The following COMMD10 variants were observed in gnomAD, a reference collection of about 807,000 sequenced individuals.
The protein encoded by COMMD10 is COMM domain containing 10, also known as COMM domain-containing protein 10.
Under a neutral mutation model 28.9 loss-of-function variants are expected in COMMD10, and 33 were observed. The observed-to-expected ratio is 1.14, with a 90% confidence interval of 0.87 to 1.53. The LOEUF (loss-of-function observed/expected upper bound fraction) is 1.53, where lower values mean the gene tolerates loss of function less well. COMMD10 is among the 40% of genes most tolerant of loss of function. The pLI is 0.00. For missense variants in COMMD10, 310 were observed against 233.4 expected (o/e 1.33, Z -2.14); for synonymous variants, 110 against 81.7 (o/e 1.35, Z -1.87).
chr5:116,157,934 C>T lies in COMMD10; in HGVS notation c.510+23756C>T, dbSNP rs1318598328. Among the ~76,000 whole-genome samples, 5 of 127,930 alleles carry T rather than the reference C, an allele frequency of 3.9e-5. No individual in the cohort carries two copies. The East Asian group carries it at 9.1e-4, about 23-fold the overall frequency. 83.9% of individuals were successfully genotyped at this position (127,930 alleles called of 152,430 possible). On this transcript the variant is annotated intron_variant, in intron 5 of 6. Coordinates refer to ENST00000274458, the MANE Select transcript of COMMD10 (RefSeq NM_016144.4). ...AGTCTCAATTGCTAAGATGGCTTTC[C>T]TTTACTTTTTTTTTTTTTTTAGTCA... is the stretch of plus-strand genomic sequence containing the variant.
chr5:116,109,897 C>T (rs1475883658), intron 4 of COMMD10, among the ~76,000 whole-genome samples: 2 of 152,190 alleles, frequency 1.3e-5, no homozygotes, highest in Non-Finnish European at 2.9e-5. Flanking sequence ...GCTAGGACTT[C>T]CAGTACTATG....
chr5:116,091,038 T>G, intron 2 of COMMD10, 41 bp from the exon 3 acceptor site: 2 of 1,239,080 alleles, frequency 1.6e-6, no homozygotes, highest in Non-Finnish European at 2.3e-6. Flanking sequence ...TTTGAATGCC[T>G]GAATATGTGC....
At chr5:116,226,820 C>G (rs1424125227) in intron 5 of COMMD10, among the ~76,000 whole-genome samples, 1 of 151,972 alleles carries the variant, frequency 6.6e-6, no homozygotes, top group Non-Finnish European at 1.5e-5. Context: ...TGTGGAATTT[C>G]AAGGATATTC....
rs1017357363 is a variant in COMMD10, at chr5:116,237,837, AT to A, written c.511-53679del. On this transcript the variant is annotated intron_variant, in intron 5 of 6. Transcript: ENST00000274458. ...AATCTTAAATCTCTGATCTGTACTAATATCATCAACTCCTACTGAGAATTAG... is the reference window on the plus strand; with the variant it reads ...AATCTTAAATCTCTGATCTGTACTAAATCATCAACTCCTACTGAGAATTAG... 7.2e-5 allele frequency among the ~76,000 whole-genome samples: 11 copies of A among 152,158 alleles called. No homozygotes were observed. The East Asian group carries it at 1.5e-3, about 21-fold the overall frequency.
chr5:116,145,404 G>A (rs969891767), intron 5 of COMMD10, among the ~76,000 whole-genome samples: 2 of 150,732 alleles, frequency 1.3e-5, no homozygotes, highest in African/African-American at 2.5e-5. Flanking sequence ...TATCTTTGCC[G>A]GGTGTTGTCA....
chr5:116,091,788 A>G (rs1750305173), intron 3 of COMMD10, among the ~76,000 whole-genome samples: 1 of 152,202 alleles, frequency 6.6e-6, no homozygotes, highest in African/African-American at 2.4e-5. Flanking sequence ...TGTATCTTAT[A>G]TAAGCCTACC....
At chr5:116,207,863 T>G (rs1000041991) in intron 5 of COMMD10, among the ~76,000 whole-genome samples, 1 of 152,132 alleles carries the variant, frequency 6.6e-6, no homozygotes, top group African/African-American at 2.4e-5. Flanking sequence ...CCTTTAACAT[T>G]GCCTCCCATT....
At chr5:116,231,445 C>T (rs1238270785) in intron 5 of COMMD10, among the ~76,000 whole-genome samples, 2 of 152,054 alleles carry the variant, frequency 1.3e-5, no homozygotes, top group South Asian at 2.1e-4. Context: ...AAGAGGACTT[C>T]TGAGGATGCA....
At chr5:116,281,315 A>G (rs760682462) in intron 5 of COMMD10, among the ~76,000 whole-genome samples, 33 of 151,716 alleles carry the variant, frequency 2.2e-4, no homozygotes, top group South Asian at 4.1e-4. Context: ...ACTGAATTCT[A>G]TTTCCATGGG....
chr5:116,190,847 T>C (rs959856943), intron 5 of COMMD10, among the ~76,000 whole-genome samples: 2 of 152,192 alleles, frequency 1.3e-5, no homozygotes, highest in Non-Finnish European at 2.9e-5. Flanking sequence ...TAATTTAAAT[T>C]GGTAGAGTAC....
intron 5 of COMMD10, among the ~76,000 whole-genome samples, chr5:116,155,682 C>T (rs1486435881): frequency 6.6e-6 from 1 of 151,730 alleles, no homozygotes; most frequent in Admixed American, 6.6e-5. Flanking sequence ...TTGTTTTTTC[C>T]CCTCCATATG....
chr5:116,089,778 T>G (rs1750237811), intron 2 of COMMD10, among the ~76,000 whole-genome samples: 1 of 152,186 alleles, frequency 6.6e-6, no homozygotes, highest in Non-Finnish European at 1.5e-5. Flanking sequence ...AAGAAACATA[T>G]GTATGTGAAT....
At chr5:116,098,653 G>A (rs1750545329) in intron 4 of COMMD10, among the ~76,000 whole-genome samples, 1 of 152,148 alleles carries the variant, frequency 6.6e-6, no homozygotes, top group African/African-American at 2.4e-5. Flanking sequence ...AGGGACTTGA[G>A]TATCTGCAGT....
intron 4 of COMMD10, among the ~76,000 whole-genome samples, chr5:116,104,699 A>G (rs1181591020): frequency 1.3e-5 from 2 of 151,164 alleles, no homozygotes; most frequent in African/African-American, 4.9e-5. Flanking sequence ...GGCTCACTGT[A>G]AGCTCCTCCT....
At chr5:116,261,753 C>G (rs1580593610) in intron 5 of COMMD10, among the ~76,000 whole-genome samples, 1 of 151,736 alleles carries the variant, frequency 6.6e-6, no homozygotes, top group Non-Finnish European at 1.5e-5. Context: ...CACTTATCAA[C>G]TTAAACTGTT....
intron 5 of COMMD10, among the ~76,000 whole-genome samples, chr5:116,198,752 A>G (rs951866409): frequency 4.6e-5 from 7 of 152,204 alleles, no homozygotes; most frequent in African/African-American, 1.7e-4. Flanking sequence ...ACTTATTAGT[A>G]TGCATTTAAA....
chr5:116,175,199 T>G (rs113810511), intron 5 of COMMD10, among the ~76,000 whole-genome samples: 3,309 of 152,232 alleles, frequency 0.022, 122 homozygotes, highest in African/African-American at 0.076. Context: ...GATATATATA[T>G]TTGTTTTTTA....
At chr5:116,110,434 C>A (rs1751006144) in intron 4 of COMMD10, among the ~76,000 whole-genome samples, 1 of 152,142 alleles carries the variant, frequency 6.6e-6, no homozygotes, top group Non-Finnish European at 1.5e-5. Flanking sequence ...AACAGTTTTA[C>A]AAGAATTGGT....
intron 5 of COMMD10, among the ~76,000 whole-genome samples, chr5:116,206,005 A>T (rs988562270): frequency 6.6e-6 from 1 of 152,190 alleles, no homozygotes; most frequent in Non-Finnish European, 1.5e-5. Context: ...GTAAAAGGGC[A>T]CTTGAGAAAC....
Sources: gnomAD v4.1 joint callset for allele counts (sites outside exome capture counted in the v4.1 genomes callset) on GRCh38, gnomAD v4.1.1 for gene constraint, MANE v1.5 for transcripts, NCBI Gene and HGNC (gene_info 2026-07-23, HGNC 2026-07-21) for gene names.